Variants in DMD observed in about 807,000 individuals in gnomAD.
DMD encodes the protein dystrophin, also known as mutant dystrophin.
DMD carries 63 observed loss-of-function variants against 330.1 expected under a neutral mutation model. The ratio of observed to expected loss-of-function variants is 0.19; its 90% CI spans 0.16 to 0.24. DMD has a LOEUF of 0.24. Among genes scored for constraint, DMD ranks in the 10% least tolerant of loss-of-function variants. The probability of loss-of-function intolerance (pLI) is 1.00; values close to 1 mark genes in which losing one functional copy is unlikely to be tolerated. For missense variants in DMD, 3,344 were observed against 2,684.1 expected, an observed-to-expected ratio of 1.25 and a Z score of -5.43; for synonymous variants, 1,223 against 959.8, an observed-to-expected ratio of 1.27 and a Z score of -5.07.
intron 41 of DMD, among the ~76,000 whole-genome samples, chrX:32,314,871 T>A (rs1044584640): frequency 9.0e-6 from 1 of 111,299 alleles, no homozygotes; most frequent in Non-Finnish European, 1.9e-5. Context: ...TGGCGATCAT[T>A]AAAAAGTCAG....
intron 63 of DMD, among the ~76,000 whole-genome samples, chrX:31,228,460 T>A (rs1489501081): frequency 9.1e-6 from 1 of 109,646 alleles, no homozygotes; most frequent in Non-Finnish European, 1.9e-5. Context: ...TTGCTAGGAG[T>A]CTGCAGCACC....
intron 25 of DMD, among the ~76,000 whole-genome samples, chrX:32,459,277 A>G (rs774094944): frequency 2.7e-5 from 3 of 110,961 alleles, no homozygotes; most frequent in Non-Finnish European, 5.7e-5. Context: ...CTTATCCCCA[A>G]ACTAATCAAG....
intron 44 of DMD, among the ~76,000 whole-genome samples, chrX:31,996,090 C>T (rs1443026267): frequency 8.9e-6 from 1 of 111,784 alleles, no homozygotes; most frequent in Admixed American, 9.5e-5. Context: ...ACCCATGAAT[C>T]GGCCATGGCT....
At chrX:33,017,835 G>A (rs149685691) in intron 2 of DMD, among the ~76,000 whole-genome samples, 1,290 of 111,573 alleles carry the variant, frequency 0.012, 22 homozygotes, top group African/African-American at 0.04. Flanking sequence ...TAGGTTCCAT[G>A]AGTTCAGGAG....
intron 30 of DMD, among the ~76,000 whole-genome samples, chrX:32,407,867 G>A (rs768755974): frequency 4.8e-4 from 50 of 104,821 alleles, no homozygotes; most frequent in East Asian, 1.2e-3. Flanking sequence ...GCAAACTATC[G>A]CAAGGACAAA....
chrX:32,272,884 G>C (rs779543068), intron 43 of DMD, among the ~76,000 whole-genome samples: 2 of 111,315 alleles, frequency 1.8e-5, no homozygotes, highest in Admixed American at 1.9e-4. Flanking sequence ...TTTTATAGTG[G>C]TTAGTCAGTG....
intron 55 of DMD, among the ~76,000 whole-genome samples, chrX:31,523,722 T>A (rs1208893191): frequency 8.9e-6 from 1 of 112,004 alleles, no homozygotes; most frequent in Non-Finnish European, 1.9e-5. Context: ...ACGGAGCAGT[T>A]TGCACCTCGG....
chrX:31,360,058 A>ATT (rs1218069011), intron 60 of DMD, among the ~76,000 whole-genome samples: 86 of 103,458 alleles, frequency 8.3e-4, no homozygotes, highest in African/African-American at 2.8e-3. Flanking sequence ...AGAATGAGCA[A>ATT]TTTTTTTTTT....
At chrX:32,004,580 C>A (rs1281416648) in intron 44 of DMD, among the ~76,000 whole-genome samples, 1 of 111,166 alleles carries the variant, frequency 9.0e-6, no homozygotes, top group Non-Finnish European at 1.9e-5. Flanking sequence ...AATAATAGGA[C>A]CTTAGGTAAA....
chrX:33,232,958 G>C (rs913280722), intron 1 of DMD, among the ~76,000 whole-genome samples: 1 of 111,598 alleles, frequency 9.0e-6, no homozygotes, highest in Non-Finnish European at 1.9e-5. Context: ...GAAAGATGTT[G>C]ATCAAAGGGT....
intron 43 of DMD, among the ~76,000 whole-genome samples, chrX:32,244,087 C>T (rs1307241866): frequency 1.1e-5 from 1 of 90,964 alleles, no homozygotes; most frequent in Admixed American, 1.2e-4. Flanking sequence ...GTATATCTCC[C>T]AATGCTATCC....
intron 9 of DMD, among the ~76,000 whole-genome samples, chrX:32,685,015 T>G (rs774814603): frequency 5.9e-4 from 66 of 111,924 alleles, no homozygotes; most frequent in African/African-American, 2.1e-3. Flanking sequence ...TTAACTATAA[T>G]CATGCTCTAT....
chrX:32,196,795 C>T (rs1002894586), intron 44 of DMD, among the ~76,000 whole-genome samples: 2 of 109,482 alleles, frequency 1.8e-5, no homozygotes, highest in Non-Finnish European at 3.8e-5. Flanking sequence ...ACCATCCTGG[C>T]TAACACGGTG....
At chrX:31,174,970 G>A (rs1372471242) in intron 71 of DMD, among the ~76,000 whole-genome samples, 1 of 111,370 alleles carries the variant, frequency 9.0e-6, no homozygotes, top group African/African-American at 3.2e-5. Flanking sequence ...ACAAAACGAT[G>A]ACTACTCAAT....
At chrX:32,481,425 AG>A (rs1043868299) in intron 21 of DMD, among the ~76,000 whole-genome samples, 3 of 111,431 alleles carry the variant, frequency 2.7e-5, no homozygotes, top group Non-Finnish European at 5.7e-5. Flanking sequence ...AATACAACTA[AG>A]GGTACTTAAT....
At chrX:32,872,259 C>G (rs2083057044) in intron 2 of DMD, among the ~76,000 whole-genome samples, 1 of 111,760 alleles carries the variant, frequency 8.9e-6, no homozygotes, top group Non-Finnish European at 1.9e-5. Context: ...GACCTCACAG[C>G]TTTTTGACCT....
intron 45 of DMD, among the ~76,000 whole-genome samples, chrX:31,935,999 C>T (rs1603616586): frequency 9.0e-6 from 1 of 110,822 alleles, no homozygotes; most frequent in South Asian, 3.8e-4. Context: ...ATATGTATTA[C>T]TGGGTTCAAA....
At chrX:32,827,846 A>C (rs770151702) in intron 4 of DMD, among the ~76,000 whole-genome samples, 13 of 110,134 alleles carry the variant, frequency 1.2e-4, no homozygotes, top group African/African-American at 4.3e-4. Flanking sequence ...TTTTTAGTAG[A>C]GACGGGGTTT....
At chrX:32,601,210 G>A (rs995381234) in intron 12 of DMD, among the ~76,000 whole-genome samples, 3 of 111,292 alleles carry the variant, frequency 2.7e-5, no homozygotes. Flanking sequence ...TCACAGTATT[G>A]TCTAGCTTTC....
Sources: allele counts gnomAD v4.1 joint callset (sites outside exome capture counted in the v4.1 genomes callset), GRCh38; gene constraint gnomAD v4.1.1; transcripts MANE v1.5; gene names NCBI Gene and HGNC (gene_info 2026-07-23, HGNC 2026-07-21).